The following TBC1D2B variants were observed in gnomAD, a reference collection of about 807,000 sequenced individuals.
TBC1D2B encodes the protein TBC1 domain family, member 2B.
Under a neutral mutation model 100.8 loss-of-function variants are expected in TBC1D2B, and 64 were observed. That is an observed-to-expected ratio of 0.64 (90% CI 0.52 to 0.78). The LOEUF (loss-of-function observed/expected upper bound fraction) is 0.78, where lower values mean the gene tolerates loss of function less well. Ranked by LOEUF, TBC1D2B falls within the 30% of genes least tolerant of loss-of-function variation. The probability of loss-of-function intolerance (pLI) is 0.00; values close to 1 mark genes in which losing one functional copy is unlikely to be tolerated. For missense variants in TBC1D2B, 1,052 were observed against 1,218.4 expected (o/e 0.86, Z 2.03); for synonymous variants, 480 against 479.7 (o/e 1.00, Z -0.01).
At chr15:78,042,366 C>CCTT (rs535399502) in intron 3 of TBC1D2B, among the ~76,000 whole-genome samples, 193 of 152,280 alleles carry the variant, frequency 1.3e-3, no homozygotes, top group African/African-American at 4.5e-3. Flanking sequence ...AGCACTGGGT[C>CCTT]CCCAATTAGG....
chr15:78,004,914 G>C (rs532094375), intron 10 of TBC1D2B, among the ~76,000 whole-genome samples: 1 of 152,310 alleles, frequency 6.6e-6, no homozygotes, highest in East Asian at 1.9e-4. Flanking sequence ...TTGTTCAAGG[G>C]TTAACTGTAC....
chr15:78,056,004 T>C (rs911818338), intron 1 of TBC1D2B, among the ~76,000 whole-genome samples: 2 of 152,182 alleles, frequency 1.3e-5, no homozygotes, highest in East Asian at 1.9e-4. Flanking sequence ...ACACCTGCCA[T>C]AGGCAGGTTC....
chr15:78,076,233 T>A (rs1326875698), intron 1 of TBC1D2B, among the ~76,000 whole-genome samples: 4 of 152,114 alleles, frequency 2.6e-5, no homozygotes, highest in Non-Finnish European at 5.9e-5. Flanking sequence ...CTACACTGTA[T>A]CTCTCATTTT....
At chr15:78,014,565 C>T (rs928006065) in intron 8 of TBC1D2B, among the ~76,000 whole-genome samples, 3 of 152,098 alleles carry the variant, frequency 2.0e-5, no homozygotes, top group Non-Finnish European at 4.4e-5. Flanking sequence ...ATAAAGACAC[C>T]ATGGTAGATT....
intron 3 of TBC1D2B, among the ~76,000 whole-genome samples, chr15:78,034,882 T>C (rs2072910154): frequency 6.6e-6 from 1 of 152,224 alleles, no homozygotes; most frequent in African/African-American, 2.4e-5. Context: ...CAGTGCAGAC[T>C]TCTCAGACAC....
chr15:77,998,650 A>G (rs2071829395), intron 12 of TBC1D2B: 1 of 346,302 alleles, frequency 2.9e-6, no homozygotes, highest in Middle Eastern at 7.8e-4. Flanking sequence ...CACTGGGGTA[A>G]GAGTAGTGCC....
chr15:78,001,811 G>T, intron 11 of TBC1D2B, 71 bp from the exon 12 acceptor site: 1 of 1,515,558 alleles, frequency 6.6e-7, no homozygotes, highest in Non-Finnish European at 8.9e-7. Context: ...GGACTCCAGG[G>T]GGGTGCTGGC....
At chr15:77,998,543 G>A (rs1371599499) in intron 12 of TBC1D2B, 188 bp from the exon 13 acceptor site, 4 of 540,394 alleles carry the variant, frequency 7.4e-6, no homozygotes, top group Middle Eastern at 4.9e-4. Flanking sequence ...CCCAGCCAGG[G>A]GCAGGCTCAG....
At chr15:78,076,679 G>T (rs192232839) in intron 1 of TBC1D2B, among the ~76,000 whole-genome samples, 6 of 152,232 alleles carry the variant, frequency 3.9e-5, no homozygotes, top group Admixed American at 2.6e-4. Context: ...TTGAGCCCAG[G>T]CATGGAGGCT....
rs5813893 is a variant in TBC1D2B, at chr15:78,026,901, C to CAA, written c.848-1406_848-1405dup. ...AGGCAACAAGAGCGAATCTCCATCT[C>CAA]AAAAAAAAAAAAAAAAGAGTATTCG... is the stretch of plus-strand genomic sequence containing the variant. On this transcript the variant is annotated intron_variant, in intron 4 of 12. Coordinates refer to ENST00000300584, the MANE Select transcript of TBC1D2B (RefSeq NM_144572.2). Among the ~76,000 whole-genome samples the CAA allele has an allele frequency of 6.1e-3, 677 of 110,526 alleles. 1 individual carries two copies. The highest frequency in any genetic ancestry group is 9.8e-3 in the African/African-American group (296 of 30,100). 72.5% of individuals were successfully genotyped at this position (110,526 alleles called of 152,430 possible). A position where few individuals can be genotyped will look rare whatever the true frequency, so the allele number is the denominator to read the frequency against.
chr15:78,003,188 T>G (rs2071962481), intron 11 of TBC1D2B, 117 bp downstream of exon 11: 1 of 854,840 alleles, frequency 1.2e-6, no homozygotes, highest in Admixed American at 2.2e-5. Flanking sequence ...CTGAGATCCC[T>G]TGGGCACCAT....
At chr15:78,047,163 CTTT>C (rs540479850) in intron 2 of TBC1D2B, among the ~76,000 whole-genome samples, 9 of 136,886 alleles carry the variant, frequency 6.6e-5, no homozygotes, top group Admixed American at 1.5e-4. Flanking sequence ...AGAGTATACA[CTTT>C]TTTTTTTTTT....
intron 12 of TBC1D2B, among the ~76,000 whole-genome samples, chr15:78,000,032 G>A (rs942751398): frequency 2.6e-5 from 4 of 152,220 alleles, no homozygotes; most frequent in African/African-American, 9.6e-5. Context: ...TGGCCTCCTT[G>A]CAACCACTAG....
At chr15:78,013,894 A>G (rs1199631668) in intron 8 of TBC1D2B, among the ~76,000 whole-genome samples, 2 of 152,224 alleles carry the variant, frequency 1.3e-5, no homozygotes, top group African/African-American at 2.4e-5. Context: ...ATTATTTGGG[A>G]TATCTGGGTG....
intron 1 of TBC1D2B, among the ~76,000 whole-genome samples, chr15:78,075,434 G>A (rs191421244): frequency 3.1e-3 from 474 of 152,136 alleles, no homozygotes; most frequent in Admixed American, 8.2e-3. Context: ...TCCTGACCTC[G>A]TGATCCACCC....
chr15:78,021,722 TGTTAA>T (rs2072520413), intron 6 of TBC1D2B, among the ~76,000 whole-genome samples: 1 of 152,130 alleles, frequency 6.6e-6, no homozygotes, highest in Non-Finnish European at 1.5e-5. Context: ...GCCACAGGCT[TGTTAA>T]GTTGTTAAAA....
intron 2 of TBC1D2B, among the ~76,000 whole-genome samples, chr15:78,046,958 C>T (rs1390335627): frequency 6.6e-6 from 1 of 152,156 alleles, no homozygotes; most frequent in Non-Finnish European, 1.5e-5. Flanking sequence ...TCTGACTTGA[C>T]CACAATCAGT....
At chr15:78,024,627 G>A (rs1393547959) in intron 5 of TBC1D2B, 88 bp from the exon 6 acceptor site, 115 of 1,231,072 alleles carry the variant, frequency 9.3e-5, no homozygotes, top group Non-Finnish European at 1.2e-4. Flanking sequence ...TGGAGTAATC[G>A]ACAGAGTTTG....
At chr15:78,009,987 A>T (rs1196644520) in intron 9 of TBC1D2B, among the ~76,000 whole-genome samples, 3 of 152,190 alleles carry the variant, frequency 2.0e-5, no homozygotes, top group African/African-American at 7.2e-5. Flanking sequence ...AAAAAAAAAA[A>T]AAAAAAGATT....
Sources: gnomAD v4.1 joint callset for allele counts (sites outside exome capture counted in the v4.1 genomes callset) on GRCh38, gnomAD v4.1.1 for gene constraint, MANE v1.5 for transcripts, NCBI Gene and HGNC (gene_info 2026-07-23, HGNC 2026-07-21) for gene names.